The following CDC42BPA variants were observed in gnomAD, a reference collection of about 807,000 sequenced individuals.
CDC42BPA encodes CDC42 binding protein kinase alpha.
CDC42BPA carries 80 observed loss-of-function variants against 223.5 expected under a neutral mutation model. The ratio of observed to expected loss-of-function variants is 0.36; its 90% CI spans 0.30 to 0.43. The LOEUF is 0.43. CDC42BPA is among the 20% of genes least tolerant of loss of function. CDC42BPA has a pLI of 1.00. For synonymous variants in CDC42BPA, 694 were observed against 718.6 expected (o/e 0.97, Z 0.55); for missense variants, 1,743 against 2,099.9 (o/e 0.83, Z 3.32).
rs1298651927 is a variant in CDC42BPA at position 227,176,696 on chromosome 1, T to G, written c.600-16060A>C. Among the ~76,000 whole-genome samples the G allele has an allele frequency of 2.0e-5, 3 of 152,130 alleles. No homozygotes were observed. The East Asian group carries it at 5.8e-4, about 29-fold the overall frequency. ...CATCTGAAGCTCATTTTCTAGTAGG[T>G]TATACTAGAAAATGTATACTATACT... On this transcript the variant is annotated intron_variant, in intron 5 of 36. Coordinates refer to ENST00000366766, the MANE Select transcript of CDC42BPA (RefSeq NM_001394014.1).
intron 23 of CDC42BPA, among the ~76,000 whole-genome samples, chr1:227,044,992 T>C (rs1471566535): frequency 6.6e-6 from 1 of 152,160 alleles, no homozygotes; most frequent in Admixed American, 6.5e-5. Flanking sequence ...ACTGGAAGCC[T>C]TTCAGCCCCC....
chr1:227,281,940 A>G (rs111515214), intron 1 of CDC42BPA, among the ~76,000 whole-genome samples: 2,750 of 152,320 alleles, frequency 0.018, 40 homozygotes, highest in Non-Finnish European at 0.026. Flanking sequence ...CTGTAATCCC[A>G]GCACTTTGGG....
At chr1:227,031,585 T>TA in intron 27 of CDC42BPA, 71 bp from the exon 28 acceptor site, 9 of 1,244,948 alleles carry the variant, frequency 7.2e-6, no homozygotes, top group Non-Finnish European at 1.0e-5. Flanking sequence ...ATGATTATGT[T>TA]AGTTTGCTTA....
chr1:227,117,582 C>G (rs1386840084), intron 12 of CDC42BPA, among the ~76,000 whole-genome samples: 1 of 151,958 alleles, frequency 6.6e-6, no homozygotes, highest in Non-Finnish European at 1.5e-5. Flanking sequence ...CTCAAAAGTG[C>G]CAGGATTACA....
intron 1 of CDC42BPA, among the ~76,000 whole-genome samples, chr1:227,293,274 G>A (rs57758974): frequency 0.15 from 22,787 of 152,008 alleles, 2,072 homozygotes; most frequent in African/African-American, 0.24. Context: ...ATTAAAAACA[G>A]TGATAAATGC....
chr1:227,020,725 T>C (rs1477241018), intron 32 of CDC42BPA, among the ~76,000 whole-genome samples: 5 of 152,244 alleles, frequency 3.3e-5, no homozygotes, highest in African/African-American at 1.2e-4. Context: ...CATTCATGTG[T>C]TCTCTGTAAC....
At chr1:227,180,062 C>A (rs1011898396) in intron 5 of CDC42BPA, among the ~76,000 whole-genome samples, 2 of 152,006 alleles carry the variant, frequency 1.3e-5, no homozygotes, top group East Asian at 1.9e-4. Flanking sequence ...AAAACTTAGC[C>A]GGGCATGGTG....
chr1:227,199,505 C>T (rs1671353243), intron 4 of CDC42BPA, 52 bp downstream of exon 4: 1 of 1,006,526 alleles, frequency 9.9e-7, no homozygotes, highest in Non-Finnish European at 1.5e-6. Context: ...AAAAATAATG[C>T]TAATTCTTCC....
chr1:227,074,307 A>G lies in CDC42BPA; in HGVS notation c.2538T>C (p.Thr846=), dbSNP rs1432300538. ...GYLQALASKM[T]EELEALRNSS... ...AATTTCTTAATGCCTCCAATTCTTCAGTCATTTTAGAAGCTAAGGCCTGAA... is the reference window on the plus strand; with the variant it reads ...AATTTCTTAATGCCTCCAATTCTTCGGTCATTTTAGAAGCTAAGGCCTGAA... Residue 846 remains threonine, a synonymous_variant, in exon 18 of 37, where the codon ACT becomes ACC. Coordinates refer to ENST00000366766, the MANE Select transcript of CDC42BPA (RefSeq NM_001394014.1). 1 of 1,613,800 alleles carries G rather than the reference A, an allele frequency of 6.2e-7. No homozygotes were observed. The highest frequency in any genetic ancestry group is 1.7e-5 in the Admixed American group (1 of 59,998).
intron 24 of CDC42BPA, 131 bp from the exon 25 acceptor site, chr1:227,035,738 T>G: frequency 1.6e-6 from 1 of 609,488 alleles, no homozygotes. Context: ...ATAACTGTTT[T>G]ATCATTTGGG....
chr1:227,140,108 C>T (rs1659409583), intron 9 of CDC42BPA, among the ~76,000 whole-genome samples: 1 of 152,136 alleles, frequency 6.6e-6, no homozygotes, highest in Non-Finnish European at 1.5e-5. Context: ...AAAGCACCAA[C>T]CACGGCCCTC....
rs372377740 is a variant in CDC42BPA, at chr1:227,074,325, G to A, written c.2520C>T (p.Ala840=). ...ATTCTTCAGTCATTTTAGAAGCTAA[G>A]GCCTGAAGATACCCTCGTGCATCCT... ...DEKDARGYLQ[A]LASKMTEELE... The change falls in exon 18 of 37, where the codon GCC becomes GCT. Residue 840 remains alanine (A), a synonymous_variant. Coordinates refer to ENST00000366766, the MANE Select transcript of CDC42BPA (RefSeq NM_001394014.1). 6.2e-7 allele frequency: 1 copy of A among 1,613,618 alleles called. No homozygotes were observed. Among genetic ancestry groups the A allele is most frequent in the East Asian group, 2.2e-5 (1 of 44,850 alleles).
intron 20 of CDC42BPA, among the ~76,000 whole-genome samples, chr1:227,070,398 TA>T (rs149946462): frequency 0.13 from 19,549 of 151,774 alleles, 1,332 homozygotes; most frequent in East Asian, 0.26. Flanking sequence ...GATGAATTTT[TA>T]AAAATTCATA....
intron 15 of CDC42BPA, among the ~76,000 whole-genome samples, chr1:227,100,403 T>C (rs112224078): frequency 1.3e-4 from 20 of 152,276 alleles, no homozygotes; most frequent in African/African-American, 4.6e-4. Context: ...GTCATGACTT[T>C]GCCTCTATTT....
At chr1:227,209,223 C>T (rs1673418608) in intron 3 of CDC42BPA, among the ~76,000 whole-genome samples, 1 of 146,486 alleles carries the variant, frequency 6.8e-6, no homozygotes, top group Admixed American at 6.9e-5. Flanking sequence ...TGAGACTTTG[C>T]TGAAGTTGTT....
chr1:226,994,283 C>G lies in CDC42BPA; in HGVS notation c.5250G>C (p.Gly1750=). ...KSLSLESTDR[G]SWDP ...CTGAGGCAGCTCACGGGTCCCAGCT[C>G]CCGCGGTCAGTGCTCTCCAGGGAGA... The change falls in exon 37 of 37, where the codon GGG becomes GGC. Residue 1750 remains glycine (G), a synonymous_variant. Transcript: ENST00000366766. This position sits in a 1 kb window ranked among gnomAD's most constrained non-coding sequence, Gnocchi z 4.0. 6.3e-7 allele frequency: 1 copy of G among 1,584,616 alleles called. No homozygotes were observed. Among genetic ancestry groups the G allele is most frequent in the African/African-American group, 1.3e-5 (1 of 74,484 alleles).
chr1:227,173,329 C>T (rs1461401864), intron 5 of CDC42BPA, among the ~76,000 whole-genome samples: 1 of 152,092 alleles, frequency 6.6e-6, no homozygotes, highest in African/African-American at 2.4e-5. Context: ...CTAATCTTGC[C>T]CAAAGAGAGG....
At chr1:227,211,137 C>T (rs1477571685) in intron 3 of CDC42BPA, among the ~76,000 whole-genome samples, 2 of 152,118 alleles carry the variant, frequency 1.3e-5, no homozygotes, top group East Asian at 3.8e-4. Context: ...TAAGGCAATT[C>T]AGTCTTAGGG....
Position 226,992,976 on chromosome 1 carries a change from A to G in CDC42BPA, c.*1292T>C, listed in dbSNP as rs1056192499. The G allele has an allele frequency of 1.3e-5, 2 of 152,178 alleles. No homozygotes were observed. Among genetic ancestry groups the G allele is most frequent in the Non-Finnish European group, 2.9e-5 (2 of 68,036 alleles). The allele number at this position is 152,178 out of a possible 1,614,324, so 9.4% of individuals were successfully genotyped here. A position where few individuals can be genotyped will look rare whatever the true frequency, so the allele number is the denominator to read the frequency against. On this transcript the variant is annotated 3_prime_UTR_variant, in exon 37 of 37. Transcript: ENST00000366766. ...TTGTCACATCCATTTTCCACTGGCTATGGGGAATAATATTTGGTTAAGGCT... is the reference window on the plus strand; with the variant it reads ...TTGTCACATCCATTTTCCACTGGCTGTGGGGAATAATATTTGGTTAAGGCT...
Sources: allele counts gnomAD v4.1 joint callset (sites outside exome capture counted in the v4.1 genomes callset), GRCh38; gene constraint gnomAD v4.1.1; non-coding constraint Gnocchi (gnomAD v3.1); transcripts MANE v1.5; gene names NCBI Gene and HGNC (gene_info 2026-07-23, HGNC 2026-07-21).